The following RXYLT1 variants were observed in gnomAD, a reference collection of about 807,000 sequenced individuals.
The protein encoded by RXYLT1 is ribitol-5-phosphate xylosyltransferase 1.
In RXYLT1, 41 loss-of-function variants were observed where a neutral mutation model predicts 43.5. The ratio of observed to expected loss-of-function variants is 0.94; its 90% CI spans 0.73 to 1.22. RXYLT1 has a LOEUF of 1.22. Among genes scored for constraint, RXYLT1 ranks in the 50% most tolerant of loss-of-function variants. The probability of loss-of-function intolerance (pLI) is 0.00; values close to 1 mark genes in which losing one functional copy is unlikely to be tolerated. For missense variants in RXYLT1, 514 were observed against 532.0 expected (o/e 0.97, Z 0.33); for synonymous variants, 166 against 194.4 (o/e 0.85, Z 1.21).
intron 3 of RXYLT1, among the ~76,000 whole-genome samples, chr12:63,800,764 A>G (rs1898141098): frequency 6.6e-6 from 1 of 152,098 alleles, no homozygotes; most frequent in Admixed American, 6.6e-5. Context: ...TCTACTAAAA[A>G]TACAAAAATT....
At chr12:63,801,633 A>G (rs1050291977) in intron 3 of RXYLT1, among the ~76,000 whole-genome samples, 1 of 152,124 alleles carries the variant, frequency 6.6e-6, no homozygotes, top group Admixed American at 6.5e-5. Flanking sequence ...CAGCATGGGC[A>G]ACATGGTGAA....
At chr12:63,783,191 C>T (rs1260238568) in intron 2 of RXYLT1, among the ~76,000 whole-genome samples, 7 of 152,168 alleles carry the variant, frequency 4.6e-5, no homozygotes, top group African/African-American at 1.2e-4. Context: ...CTAGGCATGG[C>T]GTCTCACGCC....
At chr12:63,793,050 G>A (rs1336344166) in intron 3 of RXYLT1, among the ~76,000 whole-genome samples, 2 of 152,266 alleles carry the variant, frequency 1.3e-5, no homozygotes, top group East Asian at 3.9e-4. Context: ...GGGAATATAG[G>A]TATGCAACAC....
chr12:63,793,119 C>T (rs559349707), intron 3 of RXYLT1, among the ~76,000 whole-genome samples: 1 of 152,148 alleles, frequency 6.6e-6, no homozygotes, highest in African/African-American at 2.4e-5. Flanking sequence ...CTTATCTATG[C>T]TTTGGGTCTA....
chr12:63,802,448 T>A (rs1898185322), intron 4 of RXYLT1, 43 bp downstream of exon 4: 2 of 1,484,998 alleles, frequency 1.3e-6, no homozygotes, highest in Admixed American at 4.7e-5. Flanking sequence ...CCCTAACACC[T>A]GAATTTCTGA....
rs1259569718 is a variant in RXYLT1, at chr12:63,780,077, C to T, written c.117C>T (p.Ser39=). The change falls in exon 1 of 6, where the codon TCC becomes TCT. Residue 39 remains serine (S), a synonymous_variant. Coordinates refer to ENST00000261234, the MANE Select transcript of RXYLT1 (RefSeq NM_014254.3). The stretch of plus-strand genomic sequence containing the variant: ...GCCGCCGCCAGGCGCCGGCCGGGTC[C>T]CCGCGGGGCCTCAGGAAGGGGGCGG... ...FGRRRQAPAG[S]PRGLRKGAAP... is the part of the protein sequence containing the mutation. The T allele has an allele frequency of 1.9e-6, 3 of 1,595,580 alleles. No homozygotes were observed. The highest frequency in any genetic ancestry group is 2.3e-5 in the East Asian group (1 of 44,004).
chr12:63,792,690 T>A (rs936909366), intron 3 of RXYLT1, among the ~76,000 whole-genome samples: 12 of 152,192 alleles, frequency 7.9e-5, no homozygotes, highest in African/African-American at 2.9e-4. Flanking sequence ...TTTACAGATA[T>A]TAGCTCAGTG....
Position 63,795,034 on chromosome 12 carries a change from G to A in RXYLT1, c.429-7057G>A, listed in dbSNP as rs143476066. ...ATATAGGCTGGGCATGGTAGCTCCC[G>A]CCTGTAATCCCAGCACTTTGGGAGG... On this transcript the variant is annotated intron_variant, in intron 3 of 5. Transcript: ENST00000261234. 2.3e-4 allele frequency among the ~76,000 whole-genome samples: 34 copies of A among 150,366 alleles called. No homozygotes were observed. The East Asian group carries it at 2.6e-3, about 12-fold the overall frequency.
rs1045445614 is a variant in RXYLT1 at position 63,780,134 on chromosome 12, G to A, written c.169+5G>A. On this transcript the variant is annotated splice_donor_5th_base_variant and intron_variant, in intron 1 of 5. Coordinates refer to ENST00000261234, the MANE Select transcript of RXYLT1 (RefSeq NM_014254.3). Reference sequence around the variant, plus strand: ...CGCGGGAGAGACGCGGCCGAGGTAGGACTGGGTCGGCGGCTTCCTTCCGGC... The same window carrying A: ...CGCGGGAGAGACGCGGCCGAGGTAGAACTGGGTCGGCGGCTTCCTTCCGGC... The A allele has an allele frequency of 1.4e-6, 2 of 1,479,992 alleles. No homozygotes were observed. Among genetic ancestry groups the A allele is most frequent in the Non-Finnish European group, 1.8e-6 (2 of 1,127,182 alleles). The allele number at this position is 1,479,992 out of a possible 1,614,324, so 91.7% of individuals were successfully genotyped here. A position where few individuals can be genotyped will look rare whatever the true frequency, so the allele number is the denominator to read the frequency against.
chr12:63,787,020 A>G lies in RXYLT1; in HGVS notation c.428+1948A>G, dbSNP rs1592843090. ...TCCCAGCTACTTGGGAGGCTGAGGC[A>G]AAAGAATCCTTGAACCTGGGAGTCA... is the stretch of plus-strand genomic sequence containing the variant. On this transcript the variant is annotated intron_variant, in intron 3 of 5. Transcript: ENST00000261234. Among the ~76,000 whole-genome samples the G allele has an allele frequency of 2.6e-5, 4 of 152,272 alleles. No individual in the cohort carries two copies. The East Asian group carries it at 7.7e-4, about 29-fold the overall frequency.
In RXYLT1 at chr12:63,780,125, C is replaced by G; in HGVS notation, c.165C>G (p.Gly55=). The G allele has an allele frequency of 6.6e-7, 1 of 1,516,072 alleles. No homozygotes were observed. The highest frequency in any genetic ancestry group is 8.8e-7 in the Non-Finnish European group (1 of 1,139,138). 93.9% of individuals were successfully genotyped at this position (1,516,072 alleles called of 1,614,324 possible). Residue 55 remains glycine (G), a synonymous_variant, in exon 1 of 6, where the codon GGC becomes GGG. Coordinates refer to ENST00000261234, the MANE Select transcript of RXYLT1 (RefSeq NM_014254.3). ...KGAAPARERR[G]REQSTLESEE... is the part of the protein sequence containing the mutation. ...CGGCCCCCGCGCGGGAGAGACGCGG[C>G]CGAGGTAGGACTGGGTCGGCGGCTT...
intron 1 of RXYLT1, chr12:63,780,331 G>T: frequency 7.7e-7 from 1 of 1,291,678 alleles, no homozygotes; most frequent in Non-Finnish European, 9.7e-7. Context: ...GATCTCACAC[G>T]CCGTCCCCGC....
intron 3 of RXYLT1, chr12:63,790,244 T>A (rs1401949720): frequency 6.6e-6 from 1 of 152,184 alleles, no homozygotes; most frequent in Non-Finnish European, 1.5e-5. Context: ...GATAACCAAT[T>A]ATTTGAGGGT....
chr12:63,804,868 G>A (rs1017826915), intron 4 of RXYLT1: 11 of 161,540 alleles, frequency 6.8e-5, no homozygotes, highest in African/African-American at 1.9e-4. Context: ...TCATCACCTG[G>A]TTAAAATGTT....
chr12:63,789,001 C>T (rs1257997721), intron 3 of RXYLT1, among the ~76,000 whole-genome samples: 1 of 152,088 alleles, frequency 6.6e-6, no homozygotes, highest in African/African-American at 2.4e-5. Flanking sequence ...GAAGCCATGG[C>T]TTTTAGTTTC....
At chr12:63,802,998 A>C (rs901592573) in intron 4 of RXYLT1, among the ~76,000 whole-genome samples, 3 of 149,606 alleles carry the variant, frequency 2.0e-5, no homozygotes, top group Non-Finnish European at 4.4e-5. Context: ...GCAAAACCCT[A>C]TCTCTAAAAA....
Position 63,784,248 on chromosome 12 carries a change from C to T in RXYLT1, c.326-722C>T, listed in dbSNP as rs867440094. On this transcript the variant is annotated intron_variant, in intron 2 of 5. Coordinates refer to ENST00000261234, the MANE Select transcript of RXYLT1 (RefSeq NM_014254.3). ...GCCACATTTTAAACGTGGTGGCTTGCGTTTCCTTTAGTACCAGGGTACAAT... is the reference window on the plus strand; with the variant it reads ...GCCACATTTTAAACGTGGTGGCTTGTGTTTCCTTTAGTACCAGGGTACAAT... 2.0e-5 allele frequency among the ~76,000 whole-genome samples: 3 copies of T among 152,240 alleles called. No individual in the cohort carries two copies. In the East Asian group the frequency reaches 5.8e-4, roughly 29 times the overall value.
intron 4 of RXYLT1, among the ~76,000 whole-genome samples, chr12:63,802,958 C>T (rs1329509346): frequency 6.6e-6 from 1 of 150,706 alleles, no homozygotes; most frequent in Non-Finnish European, 1.5e-5. Context: ...TGCTCGAGTC[C>T]AGGAGTTCAA....
chr12:63,804,563 A>G (rs1419958051), intron 4 of RXYLT1: 2 of 152,220 alleles, frequency 1.3e-5, no homozygotes, highest in African/African-American at 2.4e-5. Flanking sequence ...TAGTAATGGT[A>G]TATGATAATG....
Sources: gnomAD v4.1 joint callset for allele counts (sites outside exome capture counted in the v4.1 genomes callset) on GRCh38, gnomAD v4.1.1 for gene constraint, MANE v1.5 for transcripts, NCBI Gene and HGNC (gene_info 2026-07-23, HGNC 2026-07-21) for gene names.